The following PLD1 variants were observed in gnomAD, a reference collection of about 807,000 sequenced individuals.
The protein encoded by PLD1 is choline phosphatase 1.
In PLD1, 112 loss-of-function variants were observed where a neutral mutation model predicts 137.1. The observed-to-expected ratio is 0.82, with a 90% CI of 0.70 to 0.96. PLD1 has a LOEUF of 0.96. PLD1 is among the 40% of genes least tolerant of loss of function. The pLI is 0.00. For missense variants in PLD1, 1,321 were observed against 1,342.0 expected, an observed-to-expected ratio of 0.98 and a Z score of 0.24; for synonymous variants, 431 against 454.7, an observed-to-expected ratio of 0.95 and a Z score of 0.66.
At chr3:171,679,698 G>T (rs1384244843) in intron 16 of PLD1, among the ~76,000 whole-genome samples, 7 of 152,104 alleles carry the variant, frequency 4.6e-5, no homozygotes, top group Non-Finnish European at 1.0e-4. Flanking sequence ...AAATTATCTT[G>T]GTACTAATTG....
intron 23 of PLD1, among the ~76,000 whole-genome samples, chr3:171,630,979 C>T (rs547070105): frequency 6.6e-6 from 1 of 151,634 alleles, no homozygotes; most frequent in Non-Finnish European, 1.5e-5. Flanking sequence ...CTAACCTGCA[C>T]ATTGTGCACA....
At chr3:171,657,190 A>G (rs1737285491) in intron 21 of PLD1, among the ~76,000 whole-genome samples, 1 of 152,224 alleles carries the variant, frequency 6.6e-6, no homozygotes, top group Non-Finnish European at 1.5e-5. Flanking sequence ...AACAATAACA[A>G]CAACAAATAC....
chr3:171,719,563 C>T (rs1717937690), intron 8 of PLD1, among the ~76,000 whole-genome samples: 1 of 152,192 alleles, frequency 6.6e-6, no homozygotes, highest in Non-Finnish European at 1.5e-5. Context: ...TGGCACAGCT[C>T]ATAGTTCACT....
rs529795770 is a variant in PLD1 at position 171,659,426 on chromosome 3, C to T, written c.2341-125G>A. The T allele has an allele frequency of 1.2e-4, 77 of 624,094 alleles. No individual in the cohort carries two copies. The African/African-American group carries it at 1.3e-3, about 11-fold the overall frequency. The allele number at this position is 624,094 out of a possible 1,614,324, so 38.7% of individuals were successfully genotyped here. ...AGATGTGTTCTGATCACTGAAATCA[C>T]ATCAAGAAAGTCAACGACACAGAAA... On this transcript the variant is annotated intron_variant, in intron 20 of 26. Transcript: ENST00000351298.
At chr3:171,658,755 C>A (rs1737420677) in intron 21 of PLD1, among the ~76,000 whole-genome samples, 1 of 152,040 alleles carries the variant, frequency 6.6e-6, no homozygotes, top group Non-Finnish European at 1.5e-5. Context: ...CTAAAAATCA[C>A]TGAATTGTAT....
rs1365797079 is a variant in PLD1, at chr3:171,639,844, C to CTA, written c.2593+2995_2593+2996insTA. On this transcript the variant is annotated intron_variant, in intron 23 of 26. Coordinates refer to ENST00000351298, the MANE Select transcript of PLD1 (RefSeq NM_002662.5). ...TTTCTCTCTCTCTCTCTCTCTCTCT[C>CTA]TCTCTATATATATATATATATCTCC... 3.8e-3 allele frequency among the ~76,000 whole-genome samples: 434 copies of CTA among 113,446 alleles called. 1 individual carries two copies. Among genetic ancestry groups the CTA allele is most frequent in the African/African-American group, 0.016 (410 of 25,184 alleles). The allele number at this position is 113,446 out of a possible 152,430, so 74.4% of individuals were successfully genotyped here. A position where few individuals can be genotyped will look rare whatever the true frequency, so the allele number is the denominator to read the frequency against.
At chr3:171,661,779 T>C (rs1335841522) in intron 20 of PLD1, among the ~76,000 whole-genome samples, 3 of 152,214 alleles carry the variant, frequency 2.0e-5, no homozygotes, top group Non-Finnish European at 4.4e-5. Flanking sequence ...TGTTGGGGTA[T>C]TTCTGTCTAA....
chr3:171,683,334 C>T (rs1298093203), intron 16 of PLD1, among the ~76,000 whole-genome samples: 2 of 152,114 alleles, frequency 1.3e-5, no homozygotes, highest in Non-Finnish European at 2.9e-5. Context: ...CAAGACCATC[C>T]GATGACTTCC....
chr3:171,805,052 C>A (rs1346027802), intron 1 of PLD1, among the ~76,000 whole-genome samples: 3 of 152,240 alleles, frequency 2.0e-5, no homozygotes, highest in South Asian at 4.2e-4. Flanking sequence ...AATTCTGAAC[C>A]CTTATTTTCC....
chr3:171,722,215 G>T (rs1718180360), intron 8 of PLD1, among the ~76,000 whole-genome samples: 1 of 152,162 alleles, frequency 6.6e-6, no homozygotes, highest in Non-Finnish European at 1.5e-5. Context: ...TCCTCAAGGA[G>T]TTTTTAGTTG....
chr3:171,749,785 C>T (rs1422472121), intron 1 of PLD1, among the ~76,000 whole-genome samples: 1 of 152,134 alleles, frequency 6.6e-6, no homozygotes, highest in Non-Finnish European at 1.5e-5. Flanking sequence ...AAGGAGAGAG[C>T]CACAGAGAGG....
At chr3:171,791,965 C>G (rs1278049527) in intron 1 of PLD1, 3 of 152,770 alleles carry the variant, frequency 2.0e-5, no homozygotes, top group African/African-American at 7.2e-5. Flanking sequence ...ACATTCCTCT[C>G]TGGCTGGCCT....
At chr3:171,705,581 TA>T (rs1716616802) in intron 11 of PLD1, among the ~76,000 whole-genome samples, 2 of 152,192 alleles carry the variant, frequency 1.3e-5, no homozygotes. Context: ...TTTGAACAGT[TA>T]AACCAATGTC....
rs561288601 is a variant in PLD1, at chr3:171,739,627, T to C, written c.-31-1545A>G. Among the ~76,000 whole-genome samples the C allele has an allele frequency of 3.9e-5, 6 of 152,346 alleles. 1 individual carries two copies. The highest frequency in any genetic ancestry group is 7.4e-5 in the Non-Finnish European group (5 of 68,026). On this transcript the variant is annotated intron_variant, in intron 1 of 26. Transcript: ENST00000351298. The stretch of plus-strand genomic sequence containing the variant: ...ACCTCGCTGGTGATAATTGTTTACA[T>C]ACATTGTCTCATTTGTCATTAATAA...
chr3:171,623,958 T>C (rs1196755038), intron 23 of PLD1, among the ~76,000 whole-genome samples: 3 of 142,504 alleles, frequency 2.1e-5, no homozygotes, highest in African/African-American at 7.9e-5. Flanking sequence ...AATTCCTCTA[T>C]ACTTCAAATG....
At position 171,711,412 on chromosome 3, in the gene PLD1, G is replaced by A. The variant is rs144771585; in HGVS notation, c.912-1703C>T. ...TCTCAAACTCCTGACCTTGTGATCC[G>A]CCCACCTCGGCCTCCCAAAGTGCTG... On this transcript the variant is annotated intron_variant, in intron 9 of 26. Coordinates refer to ENST00000351298, the MANE Select transcript of PLD1 (RefSeq NM_002662.5). Among the ~76,000 whole-genome samples, 1,248 of 151,708 alleles carry A rather than the reference G, an allele frequency of 8.2e-3. 16 individuals are homozygous for A. Among genetic ancestry groups the A allele is most frequent in the African/African-American group, 0.025 (1,017 of 41,356 alleles).
At chr3:171,628,269 G>C (rs1420171004) in intron 23 of PLD1, among the ~76,000 whole-genome samples, 1 of 152,166 alleles carries the variant, frequency 6.6e-6, no homozygotes, top group African/African-American at 2.4e-5. Context: ...AGAAGAAATG[G>C]ATAAATTCCT....
At chr3:171,644,347 A>G (rs536279195) in intron 22 of PLD1, among the ~76,000 whole-genome samples, 57 of 152,200 alleles carry the variant, frequency 3.7e-4, no homozygotes, top group Non-Finnish European at 6.6e-4. Flanking sequence ...AGAGGAACCC[A>G]AGTGTGCCCT....
chr3:171,702,180 G>T (rs1254755618), intron 11 of PLD1, among the ~76,000 whole-genome samples: 2 of 151,946 alleles, frequency 1.3e-5, no homozygotes, highest in Non-Finnish European at 2.9e-5. Context: ...TTCTAGCAAG[G>T]CTAAAAATAA....
Sources: allele counts gnomAD v4.1 joint callset (sites outside exome capture counted in the v4.1 genomes callset), GRCh38; gene constraint gnomAD v4.1.1; transcripts MANE v1.5; gene names NCBI Gene and HGNC (gene_info 2026-07-23, HGNC 2026-07-21).